Variants in PPP2R5C observed in about 807,000 individuals in gnomAD.
The protein encoded by PPP2R5C is serine/threonine-protein phosphatase 2A 56 kDa regulatory subunit gamma isoform.
A neutral mutation model predicts 68.9 loss-of-function variants in PPP2R5C; 7 were observed. The ratio of observed to expected loss-of-function variants is 0.10; its 90% CI spans 0.06 to 0.19. PPP2R5C has a LOEUF of 0.19. Among genes scored for constraint, PPP2R5C ranks in the 10% least tolerant of loss-of-function variants. The pLI is 1.00. For missense variants in PPP2R5C, 348 were observed against 641.3 expected (o/e 0.54, Z 4.94); for synonymous variants, 210 against 222.2 (o/e 0.95, Z 0.49).
At chr14:101,841,149 G>GT (rs937173542) in intron 1 of PPP2R5C, among the ~76,000 whole-genome samples, 5 of 152,152 alleles carry the variant, frequency 3.3e-5, no homozygotes, top group Non-Finnish European at 7.4e-5. Context: ...CAAAGAGATC[G>GT]TTTTCTGCCC....
intron 2 of PPP2R5C, among the ~76,000 whole-genome samples, chr14:101,858,150 A>G (rs1214651078): frequency 6.6e-6 from 1 of 152,204 alleles, no homozygotes; most frequent in Non-Finnish European, 1.5e-5. Context: ...AGCAGAGAAT[A>G]TATACCCTAA....
chr14:101,908,906 T>G (rs988829977), intron 10 of PPP2R5C, among the ~76,000 whole-genome samples: 5 of 152,200 alleles, frequency 3.3e-5, no homozygotes, highest in Admixed American at 3.3e-4. Context: ...TTACGTTTTT[T>G]GGGATTTATT....
chr14:101,841,044 A>G (rs534804230), intron 1 of PPP2R5C, among the ~76,000 whole-genome samples: 1 of 152,188 alleles, frequency 6.6e-6, no homozygotes, highest in Non-Finnish European at 1.5e-5. Context: ...GACATGCTAT[A>G]TTTCAGGGAT....
At chr14:101,787,870 G>A (rs2038192260) in intron 3 of PPP2R5C, among the ~76,000 whole-genome samples, 1 of 151,836 alleles carries the variant, frequency 6.6e-6, no homozygotes, top group African/African-American at 2.4e-5. Context: ...TGCATGCTAA[G>A]TCATTTTTTA....
At position 101,879,147 on chromosome 14, in the gene PPP2R5C, TGGCTCC is replaced by T. The variant is rs2043984558; in HGVS notation, c.295-3012_295-3007del. ...TGTGGGAGAGGAGGGGAAGCAAGGG[TGGCTCC>T]GAGCCCCTCTTGCCCGCCCTCCCCC... On this transcript the variant is annotated intron_variant, in intron 2 of 13. Coordinates refer to ENST00000334743, the Ensembl canonical transcript of PPP2R5C. The surrounding 1 kb of genome is among the most constrained non-coding windows in gnomAD (Gnocchi z 4.2). 6.6e-6 allele frequency: 1 copy of T among 152,194 alleles called. No homozygotes were observed. The highest frequency in any genetic ancestry group is 1.5e-5 in the Non-Finnish European group (1 of 68,134). The allele number at this position is 152,194 out of a possible 1,614,324, so 9.4% of individuals were successfully genotyped here. A position where few individuals can be genotyped will look rare whatever the true frequency, so the allele number is the denominator to read the frequency against.
In PPP2R5C at chr14:101,879,918, G is replaced by T. The variant is rs2044048990; in HGVS notation, c.295-2243G>T. ...GGACATGGCGGCCTGCCCAAAGTGT[G>T]TGTGTGTGTGGCCTTTCCTTAATAG... is the stretch of plus-strand genomic sequence containing the variant. On this transcript the variant is annotated intron_variant, in intron 2 of 13. Coordinates refer to ENST00000334743, the Ensembl canonical transcript of PPP2R5C. The surrounding 1 kb of genome is among the most constrained non-coding windows in gnomAD (Gnocchi z 4.2). Among the ~76,000 whole-genome samples the T allele has an allele frequency of 1.3e-5, 2 of 152,250 alleles. No homozygotes were observed. Among genetic ancestry groups the T allele is most frequent in the African/African-American group, 2.4e-5 (1 of 41,460 alleles).
At chr14:101,910,402 T>C (rs1041852956) in intron 11 of PPP2R5C, among the ~76,000 whole-genome samples, 2 of 74,864 alleles carry the variant, frequency 2.7e-5, no homozygotes, top group Admixed American at 2.2e-4. Flanking sequence ...TGTGTATCTA[T>C]GTGTGTGTGT....
intron 2 of PPP2R5C, among the ~76,000 whole-genome samples, chr14:101,783,638 A>G (rs1034540370): frequency 6.6e-6 from 1 of 152,130 alleles, no homozygotes; most frequent in African/African-American, 2.4e-5. Flanking sequence ...GTGTGTCCCC[A>G]TGGCAGTCAA....
chr14:101,822,331 C>T (rs1031762345), intron 1 of PPP2R5C, among the ~76,000 whole-genome samples: 1 of 152,106 alleles, frequency 6.6e-6, no homozygotes, highest in Non-Finnish European at 1.5e-5. Flanking sequence ...GAGAAAAACA[C>T]GAACGAGAAT....
intron 5 of PPP2R5C, chr14:101,889,851 G>C: frequency 5.1e-6 from 2 of 392,168 alleles, no homozygotes; most frequent in Non-Finnish European, 1.0e-5. Flanking sequence ...AAAAACGTAA[G>C]ATGGATTAAT....
At chr14:101,824,304 C>A in intron 1 of PPP2R5C, 1 of 736,846 alleles carries the variant, frequency 1.4e-6, no homozygotes. Context: ...AGGTATTCAT[C>A]TGAAAACTGG....
intron 3 of PPP2R5C, among the ~76,000 whole-genome samples, chr14:101,799,446 C>T (rs2038764420): frequency 2.0e-5 from 3 of 151,648 alleles, no homozygotes; most frequent in Admixed American, 1.3e-4. Flanking sequence ...TGCCCTTTTA[C>T]GGGTGAGGAA....
At chr14:101,890,184 C>G (rs1464684969) in intron 5 of PPP2R5C, 53 bp from the exon 8 acceptor site, 3 of 1,502,568 alleles carry the variant, frequency 2.0e-6, no homozygotes, top group Non-Finnish European at 2.8e-6. Context: ...GCATTGTTTT[C>G]TTATTCAGGT....
At chr14:101,862,565 CCTAAAAACA>C (rs2042810556) in intron 2 of PPP2R5C, among the ~76,000 whole-genome samples, 1 of 152,150 alleles carries the variant, frequency 6.6e-6, no homozygotes, top group South Asian at 2.1e-4. Context: ...TAGACAATGA[CCTAAAAACA>C]CTATTAGATA....
intron 3 of PPP2R5C, among the ~76,000 whole-genome samples, chr14:101,798,457 T>C (rs2140126720): frequency 6.6e-6 from 1 of 152,272 alleles, no homozygotes; most frequent in East Asian, 1.9e-4. Context: ...GACAGAGGGA[T>C]CAAAGAATAA....
chr14:101,887,241 G>A (rs1436913294), intron 5 of PPP2R5C, among the ~76,000 whole-genome samples: 2 of 152,252 alleles, frequency 1.3e-5, no homozygotes, highest in African/African-American at 4.8e-5. Flanking sequence ...TGGAGGCTGG[G>A]CGGGCAGGGC....
At chr14:101,878,110 C>A (rs1437660157) in intron 2 of PPP2R5C, among the ~76,000 whole-genome samples, 1 of 152,236 alleles carries the variant, frequency 6.6e-6, no homozygotes, top group Non-Finnish European at 1.5e-5. Flanking sequence ...TTGCTCCGAG[C>A]AAGTGCAGAG....
At chr14:101,926,300 T>A (rs2047287617) in exon 14 of PPP2R5C, 1 of 152,624 alleles carries the variant, frequency 6.6e-6, no homozygotes. Context: ...AGTGCTGTTC[T>A]GAGAGCTTGG....
chr14:101,772,243 A>C (rs887472448), intron 2 of PPP2R5C, among the ~76,000 whole-genome samples: 1 of 152,078 alleles, frequency 6.6e-6, no homozygotes, highest in African/African-American at 2.4e-5. Context: ...GAAGTAGATA[A>C]AATTAAGGAA....
Sources: allele counts gnomAD v4.1 joint callset (sites outside exome capture counted in the v4.1 genomes callset), GRCh38; gene constraint gnomAD v4.1.1; non-coding constraint Gnocchi (gnomAD v3.1); transcripts MANE v1.5; gene names NCBI Gene and HGNC (gene_info 2026-07-23, HGNC 2026-07-21).